The following ACYP2 variants were observed in gnomAD, a reference collection of about 807,000 sequenced individuals.
ACYP2 encodes acylphosphatase-2.
A neutral mutation model predicts 11.2 loss-of-function variants in ACYP2; 12 were observed. The observed-to-expected ratio is 1.08, with a 90% CI of 0.69 to 1.74. The LOEUF is 1.74. Ranked by LOEUF, ACYP2 falls within the 40% of genes most tolerant of loss-of-function variation. The pLI is 0.00. For missense variants in ACYP2, 134 were observed against 101.9 expected, an observed-to-expected ratio of 1.31 and a Z score of -1.35; for synonymous variants, 43 against 32.2, an observed-to-expected ratio of 1.33 and a Z score of -1.13.
At chr2:54,292,650 TTG>T (rs1164944308) in intron 6 of ACYP2, among the ~76,000 whole-genome samples, 3 of 139,794 alleles carry the variant, frequency 2.1e-5, no homozygotes, top group Non-Finnish European at 4.6e-5. Context: ...ACATTTCTGA[TTG>T]TGTGTGTATA....
intron 6 of ACYP2, among the ~76,000 whole-genome samples, 174 bp downstream of exon 3, chr2:54,138,922 T>G (rs1681433747): frequency 6.6e-6 from 1 of 152,004 alleles, no homozygotes; most frequent in South Asian, 2.1e-4. Context: ...CCCAAGTAGC[T>G]GGGACTACAG....
chr2:54,077,260 C>T (rs1352433383), intron 4 of ACYP2, among the ~76,000 whole-genome samples: 4 of 152,186 alleles, frequency 2.6e-5, no homozygotes, highest in African/African-American at 9.7e-5. Flanking sequence ...TGCCTAAGTT[C>T]TCATAGTTGG....
intron 6 of ACYP2, among the ~76,000 whole-genome samples, chr2:54,152,157 TC>T (rs1682210101): frequency 6.7e-6 from 1 of 149,632 alleles, no homozygotes; most frequent in South Asian, 2.1e-4. Context: ...TTTGCTCTGT[TC>T]CCAGGCTGCT....
chr2:54,233,309 T>C (rs1686325493), intron 6 of ACYP2, among the ~76,000 whole-genome samples: 1 of 149,742 alleles, frequency 6.7e-6, no homozygotes, highest in South Asian at 2.1e-4. Flanking sequence ...TCCAAACTTT[T>C]TTTTTTTTTT....
chr2:54,235,676 TTTAAG>T, intron 6 of ACYP2, among the ~76,000 whole-genome samples: 1 of 152,258 alleles, frequency 6.6e-6, no homozygotes, highest in East Asian at 1.9e-4. Context: ...TTTGGAAAGC[TTTAAG>T]TTATTAATTC....
At chr2:54,004,406 T>A (rs1672950967) in intron 2 of ACYP2, among the ~76,000 whole-genome samples, 1 of 77,906 alleles carries the variant, frequency 1.3e-5, no homozygotes, top group African/African-American at 6.2e-5. Context: ...AGTTTAGCCT[T>A]TTTTTTTTTT....
chr2:53,986,304 TC>T (rs540720936), intron 2 of ACYP2, among the ~76,000 whole-genome samples: 20 of 151,824 alleles, frequency 1.3e-4, no homozygotes, highest in African/African-American at 4.6e-4. Flanking sequence ...GCACTATGCT[TC>T]CTGTACAGCC....
At chr2:54,195,054 T>G (rs1684402033) in intron 6 of ACYP2, among the ~76,000 whole-genome samples, 1 of 152,236 alleles carries the variant, frequency 6.6e-6, no homozygotes, top group Non-Finnish European at 1.5e-5. Context: ...ATTCAGTGGC[T>G]AAACTGCTTC....
At chr2:54,146,865 C>T (rs1489670936) in intron 6 of ACYP2, among the ~76,000 whole-genome samples, 1 of 151,052 alleles carries the variant, frequency 6.6e-6, no homozygotes, top group African/African-American at 2.4e-5. Context: ...CATGATCTCG[C>T]CTCACTGCAA....
At chr2:53,999,163 GCA>G (rs1558462145) in intron 2 of ACYP2, among the ~76,000 whole-genome samples, 1 of 152,160 alleles carries the variant, frequency 6.6e-6, no homozygotes. Flanking sequence ...GTTGGCAGTG[GCA>G]CAGTTTTTTA....
intron 6 of ACYP2, among the ~76,000 whole-genome samples, chr2:54,181,523 G>A (rs1340309131): frequency 1.3e-5 from 2 of 152,120 alleles, no homozygotes; most frequent in Admixed American, 6.5e-5. Context: ...TCCTGGCATT[G>A]TAAGCATGAC....
At chr2:54,045,789 C>T (rs867001788) in intron 2 of ACYP2, among the ~76,000 whole-genome samples, 6 of 151,446 alleles carry the variant, frequency 4.0e-5, no homozygotes, top group Middle Eastern at 6.9e-3. Flanking sequence ...GCACTCCAGC[C>T]TGGGTGACAG....
chr2:54,133,504 A>G (rs1212266305), intron 4 of ACYP2, among the ~76,000 whole-genome samples: 1 of 152,210 alleles, frequency 6.6e-6, no homozygotes, highest in Non-Finnish European at 1.5e-5. Context: ...AATAAAAACT[A>G]AGTTGCAATA....
chr2:54,050,539 C>G (rs1675790714), intron 2 of ACYP2, among the ~76,000 whole-genome samples: 1 of 145,248 alleles, frequency 6.9e-6, no homozygotes, highest in South Asian at 2.2e-4. Context: ...GAGTGAAACC[C>G]CATCCCTGAA....
chr2:54,230,379 G>T (rs970387057), intron 6 of ACYP2, among the ~76,000 whole-genome samples: 6 of 151,736 alleles, frequency 4.0e-5, no homozygotes, highest in Non-Finnish European at 1.5e-5. Flanking sequence ...TTTTTGAGAC[G>T]GAGTTTTGCT....
At chr2:54,299,591 CAAA>C (rs1213298753) in intron 6 of ACYP2, among the ~76,000 whole-genome samples, 5 of 79,418 alleles carry the variant, frequency 6.3e-5, no homozygotes, top group Admixed American at 2.9e-4. Flanking sequence ...GACTCTGTCT[CAAA>C]AAAAAAAAAA....
chr2:54,280,340 G>A (rs1252013548), intron 6 of ACYP2, among the ~76,000 whole-genome samples: 2 of 152,156 alleles, frequency 1.3e-5, no homozygotes, highest in Middle Eastern at 3.2e-3. Flanking sequence ...AATGCAGGAG[G>A]AAGAGCACAT....
chr2:54,208,031 T>C (rs1403526956), intron 6 of ACYP2, among the ~76,000 whole-genome samples: 2 of 152,146 alleles, frequency 1.3e-5, no homozygotes, highest in African/African-American at 4.8e-5. Context: ...CCATGAAATG[T>C]ATTCTCTGGG....
intron 6 of ACYP2, chr2:54,254,672 GA>G (rs1355970832): frequency 1.4e-4 from 69 of 498,182 alleles, no homozygotes; most frequent in Non-Finnish European, 3.2e-5. Flanking sequence ...GCTTCGCTTA[GA>G]AGGATGTGAC....
Sources: gnomAD v4.1 joint callset for allele counts (sites outside exome capture counted in the v4.1 genomes callset) on GRCh38, gnomAD v4.1.1 for gene constraint, MANE v1.5 for transcripts, NCBI Gene and HGNC (gene_info 2026-07-23, HGNC 2026-07-21) for gene names.